CECR2: variants seen among roughly 807,000 people sequenced by gnomAD.
CECR2 encodes the protein CECR2 histone acetyl-lysine reader.
Under a neutral mutation model 154.5 loss-of-function variants are expected in CECR2, and 30 were observed. The observed-to-expected ratio is 0.19, with a 90% CI of 0.15 to 0.26. The LOEUF (loss-of-function observed/expected upper bound fraction) is 0.26. Among genes scored for constraint, CECR2 ranks in the 10% least tolerant of loss-of-function variants. CECR2 has a pLI of 1.00. For synonymous variants in CECR2, 725 were observed against 683.7 expected (o/e 1.06, Z -0.94); for missense variants, 1,743 against 1,829.3 (o/e 0.95, Z 0.86).
At chr22:17,389,928 G>A (rs765437756) in intron 1 of CECR2, among the ~76,000 whole-genome samples, 1 of 152,008 alleles carries the variant, frequency 6.6e-6, no homozygotes, top group Non-Finnish European at 1.5e-5. Context: ...GTGCCTGGCC[G>A]GAATATTCTC....
chr22:17,552,244 G>A (rs1474485532), intron 18 of CECR2, 102 bp downstream of exon 18: 2 of 1,029,198 alleles, frequency 1.9e-6, no homozygotes, highest in East Asian at 2.6e-5. Flanking sequence ...AAGGTATCCT[G>A]TGGATACAGG....
chr22:17,415,402 T>C (rs1277812593), intron 1 of CECR2, among the ~76,000 whole-genome samples: 1 of 152,122 alleles, frequency 6.6e-6, no homozygotes, highest in Non-Finnish European at 1.5e-5. Flanking sequence ...CCACCGTGCC[T>C]GGCTAATTTT....
At chr22:17,522,620 T>A (rs1213570991) in intron 8 of CECR2, among the ~76,000 whole-genome samples, 2 of 152,230 alleles carry the variant, frequency 1.3e-5, no homozygotes, top group Non-Finnish European at 2.9e-5. Flanking sequence ...AGTTTTTATT[T>A]TTGTCCCTCC....
At chr22:17,539,322 C>A (rs1266543915) in intron 13 of CECR2, among the ~76,000 whole-genome samples, 1 of 152,200 alleles carries the variant, frequency 6.6e-6, no homozygotes, top group Non-Finnish European at 1.5e-5. Context: ...TAGAGTGCAG[C>A]TGGCAGCTAA....
At chr22:17,438,147 T>A (rs2054533191) in intron 1 of CECR2, among the ~76,000 whole-genome samples, 1 of 152,230 alleles carries the variant, frequency 6.6e-6, no homozygotes, top group Admixed American at 6.5e-5. Context: ...TCATAATGCA[T>A]TGTAAAGTTA....
At chr22:17,505,833 G>A (rs933753489) in intron 7 of CECR2, among the ~76,000 whole-genome samples, 18 of 106,324 alleles carry the variant, frequency 1.7e-4, no homozygotes, top group South Asian at 3.4e-4. Flanking sequence ...CACTGCACCC[G>A]GCTTTTTTTT....
At chr22:17,530,929 CAG>C (rs2056344844) in intron 9 of CECR2, among the ~76,000 whole-genome samples, 1 of 152,084 alleles carries the variant, frequency 6.6e-6, no homozygotes, top group Non-Finnish European at 1.5e-5. Context: ...AATGGGGAGT[CAG>C]TGTTTAACGT....
chr22:17,419,194 C>T (rs55969815), intron 1 of CECR2: 28,745 of 153,548 alleles, frequency 0.19, 3,523 homozygotes, highest in African/African-American at 0.35. Flanking sequence ...AGCACGAGCA[C>T]TTGCCAGGGG....
Position 17,499,428 on chromosome 22 carries a change from C to A in CECR2, c.424C>A (p.Leu142Ile). The A allele has an allele frequency of 6.2e-7, 1 of 1,613,694 alleles. No individual in the cohort carries two copies. Among genetic ancestry groups the A allele is most frequent in the Non-Finnish European group, 8.5e-7 (1 of 1,179,742 alleles). Residue 142 changes from leucine (L) to isoleucine (I), a missense_variant, in exon 4 of 19, where the codon CTC (leucine) becomes ATC (isoleucine). Physicochemically the swap from Leu to Ile is conservative, Grantham distance 5 (BLOSUM62 2). Around this residue, in one of 4 missense-constraint regions of CECR2, gnomAD observed 98 missense variants for 169.3 expected, o/e 0.58. Transcript: ENST00000262608. ...DLLKGLDADS[L>I]RVEPLGEDNS... is the part of the protein sequence containing the mutation. ...TGTGTAGGGCCTGGATGCAGACAGT[C>A]TCCGTGTGGAGCCATTGGGTGAAGA...
At chr22:17,407,338 G>A (rs930265406) in intron 1 of CECR2, among the ~76,000 whole-genome samples, 2 of 152,238 alleles carry the variant, frequency 1.3e-5, no homozygotes, top group East Asian at 1.9e-4. Context: ...GCTCACGCCT[G>A]TAATCCCAGC....
intron 1 of CECR2, among the ~76,000 whole-genome samples, chr22:17,454,051 C>T (rs1389849073): frequency 6.6e-6 from 1 of 152,174 alleles, no homozygotes; most frequent in African/African-American, 2.4e-5. Context: ...CAGAAGTGCA[C>T]CTCTGTCTTT....
intron 1 of CECR2, among the ~76,000 whole-genome samples, chr22:17,423,471 C>A (rs1334204158): frequency 2.6e-5 from 4 of 151,312 alleles, no homozygotes; most frequent in African/African-American, 9.8e-5. Flanking sequence ...CGCGCCACTG[C>A]ACTCCAGCCT....
intron 1 of CECR2, among the ~76,000 whole-genome samples, chr22:17,414,685 C>T (rs2054130583): frequency 6.6e-6 from 1 of 150,846 alleles, no homozygotes; most frequent in Non-Finnish European, 1.5e-5. Flanking sequence ...CCACGACTGG[C>T]CCTGGTGTGT....
intron 1 of CECR2, among the ~76,000 whole-genome samples, chr22:17,371,882 C>T (rs909733627): frequency 6.6e-6 from 1 of 152,156 alleles, no homozygotes; most frequent in African/African-American, 2.4e-5. Context: ...TTTAGAGTAA[C>T]CTGTAAATAA....
rs1461779127 is a variant in CECR2 at position 17,484,809 on chromosome 22, C to T, written c.221+7127C>T. 2.6e-5 allele frequency among the ~76,000 whole-genome samples: 4 copies of T among 152,112 alleles called. No individual in the cohort carries two copies. In the East Asian group the frequency reaches 5.8e-4, roughly 22 times the overall value. ...ATGAGAATTGCTTGAACCTGGAAGG[C>T]AGAGGTTGCAGTGAGCCGAGATCAT... On this transcript the variant is annotated intron_variant, in intron 2 of 18. Coordinates refer to ENST00000262608, the MANE Select transcript of CECR2 (RefSeq NM_001290047.2).
intron 1 of CECR2, among the ~76,000 whole-genome samples, chr22:17,363,814 T>C (rs1322903464): frequency 6.6e-6 from 1 of 152,164 alleles, no homozygotes; most frequent in Non-Finnish European, 1.5e-5. Flanking sequence ...TTTGTATTTT[T>C]TGAAAAGATG....
In CECR2 at chr22:17,537,639, A is replaced by G. The variant is rs138399419; in HGVS notation, c.1238+407A>G. Among the ~76,000 whole-genome samples, 31 of 152,350 alleles carry G rather than the reference A, an allele frequency of 2.0e-4. 1 individual carries two copies. Among genetic ancestry groups the G allele is most frequent in the African/African-American group, 7.5e-4 (31 of 41,568 alleles). Reference sequence around the variant, plus strand: ...ACATTCAGTGTTCCTGAGCTCATTTATCATATGATTTTTTGGATTATTCTT... The same window carrying G: ...ACATTCAGTGTTCCTGAGCTCATTTGTCATATGATTTTTTGGATTATTCTT... On this transcript the variant is annotated intron_variant, in intron 10 of 18. Transcript: ENST00000262608.
intron 1 of CECR2, among the ~76,000 whole-genome samples, chr22:17,473,597 A>G (rs1020057322): frequency 1.3e-5 from 2 of 152,210 alleles, no homozygotes; most frequent in Non-Finnish European, 2.9e-5. Flanking sequence ...TCCACAAACT[A>G]TCATTGTGAG....
chr22:17,368,640 C>G (rs1266091197), upstream of CECR2, among the ~76,000 whole-genome samples: 1 of 152,182 alleles, frequency 6.6e-6, no homozygotes, highest in Non-Finnish European at 1.5e-5. Context: ...AGCACAGTCC[C>G]CGGCTTCCCG....
Sources: gnomAD v4.1 joint callset for allele counts (sites outside exome capture counted in the v4.1 genomes callset) on GRCh38, gnomAD v4.1.1 for gene constraint, gnomAD v4.1.1 regional missense constraint, MANE v1.5 for transcripts, NCBI Gene and HGNC (gene_info 2026-07-23, HGNC 2026-07-21) for gene names.